The following TGDS variants were observed in gnomAD, a reference collection of about 807,000 sequenced individuals.
TGDS encodes the protein TDP-glucose 4,6-dehydratase, also known as UDP-D-glucose 4,6-dehydratase.
TGDS carries 47 observed loss-of-function variants against 52.3 expected under a neutral mutation model. That is an observed-to-expected ratio of 0.90 (90% CI 0.71 to 1.15). The LOEUF is 1.15. Ranked by LOEUF, TGDS falls within the 50% of genes most tolerant of loss-of-function variation. The probability of loss-of-function intolerance (pLI) is 0.00; values close to 1 mark genes in which losing one functional copy is unlikely to be tolerated. For synonymous variants in TGDS, 115 were observed against 136.9 expected, an observed-to-expected ratio of 0.84 and a Z score of 1.12; for missense variants, 375 against 418.4, an observed-to-expected ratio of 0.90 and a Z score of 0.90.
rs1181617645 is a variant in TGDS, at chr13:94,583,100, A to G, written c.450T>C (p.Leu150=). The G allele has an allele frequency of 6.2e-7, 1 of 1,613,270 alleles. No individual in the cohort carries two copies. Among genetic ancestry groups the G allele is most frequent in the Non-Finnish European group, 8.5e-7 (1 of 1,179,810 alleles). ...VSTDEVYGGS[L]DKEFDESSPK... is the part of the protein sequence containing the mutation. Reference sequence around the variant, plus strand: ...ATACATTTTCTAAGCTCACCTTATCAAGACTGCCACCATATACTTCATCTG... The same window carrying G: ...ATACATTTTCTAAGCTCACCTTATCGAGACTGCCACCATATACTTCATCTG... The change falls in exon 5 of 12, where the codon CTT becomes CTC. Residue 150 remains leucine, a synonymous_variant. Coordinates refer to ENST00000261296, the MANE Select transcript of TGDS (RefSeq NM_014305.4).
At chr13:94,590,784 A>G (rs976635336) in intron 4 of TGDS, 69 bp downstream of exon 4, 41 of 1,216,618 alleles carry the variant, frequency 3.4e-5, no homozygotes, top group East Asian at 2.4e-4. Flanking sequence ...TCTTTCAAAT[A>G]TAAGTATTAG....
At chr13:94,595,881 T>C in intron 1 of TGDS, 170 bp downstream of exon 1, 1 of 713,560 alleles carries the variant, frequency 1.4e-6, no homozygotes. Flanking sequence ...GAACCACTTC[T>C]TTGCAGGCCA....
intron 4 of TGDS, among the ~76,000 whole-genome samples, chr13:94,588,700 G>T (rs1269933294): frequency 6.6e-6 from 1 of 152,170 alleles, no homozygotes; most frequent in Non-Finnish European, 1.5e-5. Flanking sequence ...CACAGCAAGT[G>T]TTGGCAAGCA....
At chr13:94,589,821 C>T (rs1463146241) in intron 4 of TGDS, among the ~76,000 whole-genome samples, 1 of 152,156 alleles carries the variant, frequency 6.6e-6, no homozygotes, top group East Asian at 1.9e-4. Flanking sequence ...AAGTCACACA[C>T]TTCTGGAGGA....
chr13:94,592,424 T>A, intron 2 of TGDS, 115 bp from the exon 3 acceptor site: 1 of 789,458 alleles, frequency 1.3e-6, no homozygotes, highest in Non-Finnish European at 1.9e-6. Flanking sequence ...CAAGAACATG[T>A]CCTCTTAAAG....
chr13:94,594,492 G>A (rs1440684664), intron 1 of TGDS, among the ~76,000 whole-genome samples: 1 of 152,090 alleles, frequency 6.6e-6, no homozygotes, highest in Admixed American at 6.6e-5. Context: ...GTGGGTCCTG[G>A]GCTTCAGAGG....
rs1423492894 is a variant in TGDS, at chr13:94,578,747, T to C, written c.642A>G (p.Leu214=). The change falls in exon 8 of 12, where the codon CTA becomes CTG. Residue 214 remains leucine (L), a synonymous_variant. Coordinates refer to ENST00000261296, the MANE Select transcript of TGDS (RefSeq NM_014305.4). The part of the protein sequence containing the change: ...EKVIPKFISL[L]QHNRKCCIHG... ...TAACATACCATTTCCTGTTGTGCTG[T>C]AGCAAAGATATAAATTTTGGAATAA... The C allele has an allele frequency of 2.6e-6, 4 of 1,531,542 alleles. No homozygotes were observed. The highest frequency in any genetic ancestry group is 2.3e-5 in the East Asian group (1 of 44,084). 94.9% of individuals were successfully genotyped at this position (1,531,542 alleles called of 1,614,324 possible). A position where few individuals can be genotyped will look rare whatever the true frequency, so the allele number is the denominator to read the frequency against.
At chr13:94,587,971 TG>T (rs1889052557) in intron 4 of TGDS, among the ~76,000 whole-genome samples, 1 of 123,144 alleles carries the variant, frequency 8.1e-6, no homozygotes. Flanking sequence ...CACTCCAGCC[TG>T]GGTGACAGAG....
intron 11 of TGDS, among the ~76,000 whole-genome samples, chr13:94,576,005 C>A (rs1041784960): frequency 1.3e-3 from 200 of 152,074 alleles, no homozygotes; most frequent in African/African-American, 4.7e-3. Context: ...TATAAGACAC[C>A]AGTGATTATA....
chr13:94,592,613 C>G (rs1364635350), intron 2 of TGDS, among the ~76,000 whole-genome samples: 2 of 151,878 alleles, frequency 1.3e-5, no homozygotes, highest in Non-Finnish European at 2.9e-5. Flanking sequence ...CCACCATGGA[C>G]CGGCTAATTT....
At chr13:94,578,638 G>C in intron 8 of TGDS, 92 bp downstream of exon 8, 1 of 922,692 alleles carries the variant, frequency 1.1e-6, no homozygotes, top group Non-Finnish European at 1.7e-6. Context: ...TCAATTCTAT[G>C]GCCTTTAAGA....
At position 94,578,093 on chromosome 13, in the gene TGDS, A is replaced by G; in HGVS notation, c.737T>C (p.Leu246Pro). ...TDVVEAFLTV[L>P]KKGKPGEIYN... ...AATTTCACCTGGTTTCCCTTTTTTGAGGACAGTGAGAAATGCTTCTACAAC... is the reference window on the plus strand; with the variant it reads ...AATTTCACCTGGTTTCCCTTTTTTGGGGACAGTGAGAAATGCTTCTACAAC... Residue 246 changes from leucine (L) to proline (P), a missense_variant, in exon 9 of 12, where the codon CTC becomes CCC. By Grantham distance (98) the Leu-to-Pro change is moderately conservative. Transcript: ENST00000261296. The G allele has an allele frequency of 1.9e-6, 3 of 1,613,826 alleles. No individual in the cohort carries two copies. The highest frequency in any genetic ancestry group is 2.5e-6 in the Non-Finnish European group (3 of 1,179,858).
Position 94,577,390 on chromosome 13 carries a change from C to A in TGDS, c.865G>T (p.Val289Phe). The A allele has an allele frequency of 1.3e-6, 2 of 1,574,818 alleles. No individual in the cohort carries two copies. The highest frequency in any genetic ancestry group is 4.7e-5 in the East Asian group (2 of 42,168). The change falls in exon 10 of 12, where the codon GTT (valine) becomes TTT (phenylalanine). Residue 289 changes from valine to phenylalanine, a missense_variant. Val to Phe is a conservative substitution (Grantham distance 50). Coordinates refer to ENST00000261296, the MANE Select transcript of TGDS (RefSeq NM_014305.4). ...ACTCACCTATCATTAACATAATCAA[C>A]CCAATTTTCCATTTCAGACTCTGAA... ...TNSESEMENW[V>F]DYVNDRPTND...
upstream of TGDS, chr13:94,596,232 G>T: frequency 2.2e-6 from 3 of 1,368,284 alleles, no homozygotes; most frequent in Non-Finnish European, 3.0e-6. Context: ...TCGCTCGCGG[G>T]ACACGTTAAC....
At position 94,583,181 on chromosome 13, in the gene TGDS, G is replaced by T. The variant is rs767859800; in HGVS notation, c.369C>A (p.His123Gln). 2 of 1,613,958 alleles carry T rather than the reference G, an allele frequency of 1.2e-6. No individual in the cohort carries two copies. Among genetic ancestry groups the T allele is most frequent in the Non-Finnish European group, 1.7e-6 (2 of 1,179,962 alleles). ...EFTYVNVYGTHVLVSAAHEAR... is the reference protein window; with the variant it reads ...EFTYVNVYGTQVLVSAAHEAR... ...CTTCATGAGCAGCACTTACCAAAACGTGAGTGCCATAAACATTAACATAGG... is the reference window on the plus strand; with the variant it reads ...CTTCATGAGCAGCACTTACCAAAACTTGAGTGCCATAAACATTAACATAGG... The change falls in exon 5 of 12, where the codon CAC becomes CAA. Residue 123 changes from histidine (H) to glutamine (Q), a missense_variant. Coordinates refer to ENST00000261296, the MANE Select transcript of TGDS (RefSeq NM_014305.4).
At chr13:94,579,637 T>C (rs953055540) in intron 7 of TGDS, 2 of 314,574 alleles carry the variant, frequency 6.4e-6, no homozygotes, top group East Asian at 6.0e-5. Context: ...TATTTTCACA[T>C]ATATCATTCT....
At chr13:94,582,125 G>A (rs1278460606) in intron 5 of TGDS, among the ~76,000 whole-genome samples, 2 of 151,770 alleles carry the variant, frequency 1.3e-5, no homozygotes, top group East Asian at 3.9e-4. Context: ...TTGAACCTGG[G>A]AGGCGGAGGT....
intron 4 of TGDS, among the ~76,000 whole-genome samples, chr13:94,586,410 G>A (rs1236601147): frequency 1.3e-5 from 2 of 151,920 alleles, no homozygotes; most frequent in African/African-American, 2.4e-5. Context: ...ACATCACCGG[G>A]GAAAAAAGAT....
At chr13:94,579,870 C>T in intron 7 of TGDS, 24 bp downstream of exon 7, 2 of 1,413,042 alleles carry the variant, frequency 1.4e-6, no homozygotes, top group Non-Finnish European at 2.0e-6. Flanking sequence ...TGAAAAACAC[C>T]ATGAATTAAG....
Sources: allele counts gnomAD v4.1 joint callset (sites outside exome capture counted in the v4.1 genomes callset), GRCh38; gene constraint gnomAD v4.1.1; transcripts MANE v1.5; gene names NCBI Gene and HGNC (gene_info 2026-07-23, HGNC 2026-07-21).